MAP3K19: variants seen among roughly 807,000 people sequenced by gnomAD.
MAP3K19 encodes the protein mitogen-activated protein kinase kinase kinase 19.
MAP3K19 carries 91 observed loss-of-function variants against 114.4 expected under a neutral mutation model. The observed-to-expected ratio is 0.80, with a 90% CI of 0.67 to 0.95. The LOEUF is 0.95. MAP3K19 is among the 40% of genes least tolerant of loss of function. The pLI is 0.00. For missense variants in MAP3K19, 1,471 were observed against 1,573.2 expected, an observed-to-expected ratio of 0.94 and a Z score of 1.10; for synonymous variants, 518 against 530.5, an observed-to-expected ratio of 0.98 and a Z score of 0.32.
intron 8 of MAP3K19, among the ~76,000 whole-genome samples, chr2:134,996,213 C>G (rs983331713): frequency 1.3e-5 from 2 of 151,916 alleles, no homozygotes; most frequent in Admixed American, 6.6e-5. Flanking sequence ...CCTGCCTCAG[C>G]CTCCCAAAGT....
intron 11 of MAP3K19, among the ~76,000 whole-genome samples, chr2:134,981,880 C>CTTTTT (rs567597251): frequency 4.4e-3 from 548 of 124,278 alleles, no homozygotes; most frequent in Non-Finnish European, 5.8e-3. Context: ...GATTTCTTTT[C>CTTTTT]TTTTTTTTTT....
intron 3 of MAP3K19, among the ~76,000 whole-genome samples, chr2:135,028,277 C>T (rs778486807): frequency 2.0e-5 from 3 of 152,078 alleles, no homozygotes; most frequent in Non-Finnish European, 4.4e-5. Flanking sequence ...GCAGCTCAGC[C>T]GGGCATGGTG....
chr2:135,012,518 G>A (rs1255441693), intron 5 of MAP3K19, among the ~76,000 whole-genome samples: 2 of 151,936 alleles, frequency 1.3e-5, no homozygotes, highest in Non-Finnish European at 2.9e-5. Context: ...TGATTTAACC[G>A]TTTATTTTTA....
At position 135,028,491 on chromosome 2, in the gene MAP3K19, G is replaced by A. The variant is rs139436901; in HGVS notation, c.-95+1821C>T. On this transcript the variant is annotated intron_variant, in intron 3 of 12. Coordinates refer to ENST00000392915, the MANE Select transcript of MAP3K19 (RefSeq NM_025052.5). ...AGGATCACCTGAGCCTGGGAAAGTC[G>A]AGGCTGCAGTGAGCTGTGATCACGC... Among the ~76,000 whole-genome samples the A allele has an allele frequency of 7.5e-4, 113 of 151,250 alleles. 2 individuals carry two copies. In the East Asian group the frequency reaches 0.019, roughly 26 times the overall value.
At chr2:135,010,192 A>G (rs920433378) in intron 5 of MAP3K19, among the ~76,000 whole-genome samples, 3 of 152,224 alleles carry the variant, frequency 2.0e-5, no homozygotes, top group African/African-American at 7.2e-5. Flanking sequence ...AAATAATAAT[A>G]AAAGATGTGT....
chr2:135,026,006 G>A (rs566993372), intron 3 of MAP3K19, among the ~76,000 whole-genome samples: 3 of 152,234 alleles, frequency 2.0e-5, no homozygotes, highest in East Asian at 1.9e-4. Flanking sequence ...GAATCTCTTC[G>A]TTGCTATGGG....
intron 5 of MAP3K19, among the ~76,000 whole-genome samples, chr2:135,017,726 T>C (rs1013888171): frequency 1.4e-5 from 2 of 142,804 alleles, no homozygotes; most frequent in African/African-American, 5.8e-5. Flanking sequence ...TGATTCTCAT[T>C]AATATCCTTT....
At chr2:134,984,219 C>T (rs1256858003) in intron 10 of MAP3K19, among the ~76,000 whole-genome samples, 1 of 152,094 alleles carries the variant, frequency 6.6e-6, no homozygotes, top group Non-Finnish European at 1.5e-5. Context: ...CCTCAAAATT[C>T]CCATTATCGT....
At chr2:135,036,715 T>A (rs937769617) in intron 2 of MAP3K19, among the ~76,000 whole-genome samples, 2 of 150,562 alleles carry the variant, frequency 1.3e-5, no homozygotes, top group African/African-American at 4.9e-5. Flanking sequence ...CATCCTCACA[T>A]GATTGAAGGA....
At chr2:135,009,162 A>C in intron 5 of MAP3K19, among the ~76,000 whole-genome samples, 1 of 147,984 alleles carries the variant, frequency 6.8e-6, no homozygotes. Flanking sequence ...ATGGCGTTTC[A>C]ATATGTTTAC....
intron 5 of MAP3K19, among the ~76,000 whole-genome samples, chr2:135,007,064 T>A (rs1235605659): frequency 6.6e-6 from 1 of 151,426 alleles, no homozygotes; most frequent in African/African-American, 2.4e-5. Context: ...CTCAGGAGGC[T>A]GAGGTGCGAG....
Position 134,967,375 on chromosome 2 carries a change from G to C in MAP3K19, c.3921-2459C>G, listed in dbSNP as rs184987116. Among the ~76,000 whole-genome samples the C allele has an allele frequency of 1.1e-3, 168 of 152,324 alleles. 5 individuals carry two copies. The Middle Eastern group carries it at 0.044, about 40-fold the overall frequency. ...CTGGCTGAGGTGGATTAGTCAAAGA[G>C]GAAATCCTCTTGCAGTTGAGAGAGA... is the stretch of plus-strand genomic sequence containing the variant. On this transcript the variant is annotated intron_variant, in intron 12 of 12. Transcript: ENST00000392915.
In MAP3K19 at chr2:135,041,444, G is replaced by A. The variant is rs147448562; in HGVS notation, c.-423-942C>T. On this transcript the variant is annotated intron_variant, in intron 1 of 12. Transcript: ENST00000392915. ...CAACCTCTGCCTCCTGGGTTCAAGC[G>A]ATTCTCCTGCCTCAGTCTCCTGAGT... Among the ~76,000 whole-genome samples the A allele has an allele frequency of 7.0e-3, 1,069 of 151,778 alleles. 12 individuals are homozygous for A. The highest frequency in any genetic ancestry group is 0.024 in the African/African-American group (999 of 41,364).
At chr2:135,042,530 A>C (rs1292508136) in intron 1 of MAP3K19, among the ~76,000 whole-genome samples, 2 of 151,650 alleles carry the variant, frequency 1.3e-5, no homozygotes, top group Non-Finnish European at 2.9e-5. Context: ...GAAAAAAGAA[A>C]ATTAAAAAGA....
Position 134,987,531 on chromosome 2 carries a change from G to T in MAP3K19, c.1341C>A (p.Val447=), listed in dbSNP as rs1191754354. 1 of 1,614,138 alleles carries T rather than the reference G, an allele frequency of 6.2e-7. No homozygotes were observed. Among genetic ancestry groups the T allele is most frequent in the African/African-American group, 1.3e-5 (1 of 75,044 alleles). Residue 447 remains valine (V), a synonymous_variant, in exon 10 of 13, where the codon GTC becomes GTA. Transcript: ENST00000392915. The part of the protein sequence containing the change: ...CTVLKSLSSV[V]FDDPIDKLPE... Reference sequence around the variant, plus strand: ...GGAGTTTATCAATGGGGTCATCAAAGACTACACTGGATAAGCTTTTAAGTA... The same window carrying T: ...GGAGTTTATCAATGGGGTCATCAAATACTACACTGGATAAGCTTTTAAGTA...
chr2:134,990,696 C>T (rs1179339307), intron 9 of MAP3K19, among the ~76,000 whole-genome samples: 3 of 151,962 alleles, frequency 2.0e-5, no homozygotes, highest in Admixed American at 6.6e-5. Context: ...AGGATGGTTT[C>T]GATCTCTTAT....
chr2:134,966,037 T>C (rs1683323545), intron 12 of MAP3K19, among the ~76,000 whole-genome samples: 1 of 152,204 alleles, frequency 6.6e-6, no homozygotes, highest in Non-Finnish European at 1.5e-5. Flanking sequence ...CAGATCCATC[T>C]CTGTTGCTGA....
In MAP3K19 at chr2:134,964,916, C is replaced by T. The variant is rs1040171999; in HGVS notation, c.3921G>A (p.Arg1307=). The change falls in exon 13 of 13, where the codon AGG becomes AGA. Residue 1307 remains arginine (R), a splice_region_variant and synonymous_variant. Coordinates refer to ENST00000392915, the MANE Select transcript of MAP3K19 (RefSeq NM_025052.5). ...AADFVRMCLT[R]DQHERPSALQ... Reference sequence around the variant, plus strand: ...GAGCAGAAGGTCGCTCATGCTGGTCCCTAAGAAGGGAAAAACACATTAGAA... The same window carrying T: ...GAGCAGAAGGTCGCTCATGCTGGTCTCTAAGAAGGGAAAAACACATTAGAA... The T allele has an allele frequency of 6.2e-7, 1 of 1,611,520 alleles. No individual in the cohort carries two copies. Among genetic ancestry groups the T allele is most frequent in the Non-Finnish European group, 8.5e-7 (1 of 1,178,426 alleles).
chr2:135,041,867 A>G (rs754992188), intron 1 of MAP3K19, among the ~76,000 whole-genome samples: 30 of 152,202 alleles, frequency 2.0e-4, no homozygotes, highest in Admixed American at 3.3e-4. Context: ...TTGCTCTTTA[A>G]TGTTCTAAAC....
Sources: gnomAD v4.1 joint callset for allele counts (sites outside exome capture counted in the v4.1 genomes callset) on GRCh38, gnomAD v4.1.1 for gene constraint, MANE v1.5 for transcripts, NCBI Gene and HGNC (gene_info 2026-07-23, HGNC 2026-07-21) for gene names.